Variants in MYO6 observed in about 807,000 individuals in gnomAD.
The protein encoded by MYO6 is unconventional myosin-VI.
MYO6 carries 74 observed loss-of-function variants against 178.7 expected under a neutral mutation model. The ratio of observed to expected loss-of-function variants is 0.41; its 90% CI spans 0.34 to 0.50. The LOEUF is 0.50. MYO6 is among the 20% of genes least tolerant of loss of function. The pLI is 0.09. For missense variants in MYO6, 1,330 were observed against 1,547.4 expected, an observed-to-expected ratio of 0.86 and a Z score of 2.36; for synonymous variants, 477 against 504.6, an observed-to-expected ratio of 0.95 and a Z score of 0.73.
chr6:75,897,721 T>C (rs1779416655), intron 29 of MYO6, among the ~76,000 whole-genome samples: 1 of 152,236 alleles, frequency 6.6e-6, no homozygotes, highest in Non-Finnish European at 1.5e-5. Flanking sequence ...AACTTCATTC[T>C]GTTTTAAAGA....
intron 1 of MYO6, among the ~76,000 whole-genome samples, chr6:75,784,164 G>T (rs1370529083): frequency 1.3e-5 from 2 of 151,924 alleles, no homozygotes; most frequent in East Asian, 2.0e-4. Context: ...GTAGAGACGG[G>T]GTTTCACCGT....
chr6:75,879,243 A>AGTTTT lies in MYO6; in HGVS notation c.2078-560_2078-556dup, dbSNP rs148302245. On this transcript the variant is annotated intron_variant, in intron 20 of 34. Transcript: ENST00000369977. ...TACAAACTAGACTTGATCTTTCCTTAGTTTTGTTTTGTTTTGTTTTGATAC... is the reference window on the plus strand; with the variant it reads ...TACAAACTAGACTTGATCTTTCCTTAGTTTTGTTTTGTTTTGTTTTGTTTTGATAC... 0.013 allele frequency among the ~76,000 whole-genome samples: 2,008 copies of AGTTTT among 151,806 alleles called. 69 individuals are homozygous for AGTTTT. The East Asian group carries it at 0.14, about 11-fold the overall frequency.
At chr6:75,762,929 C>G (rs1778078195) in intron 1 of MYO6, among the ~76,000 whole-genome samples, 1 of 151,808 alleles carries the variant, frequency 6.6e-6, no homozygotes, top group South Asian at 2.1e-4. Context: ...ACTGTGTTGC[C>G]CAGGCTGGTA....
chr6:75,799,970 T>G (rs535795362), intron 1 of MYO6, among the ~76,000 whole-genome samples: 1 of 152,302 alleles, frequency 6.6e-6, no homozygotes, highest in East Asian at 1.9e-4. Flanking sequence ...TTTAAGACTT[T>G]AGGAGTTTCT....
chr6:75,761,840 T>G (rs1357309760), intron 1 of MYO6, among the ~76,000 whole-genome samples: 3 of 152,010 alleles, frequency 2.0e-5, no homozygotes, highest in Non-Finnish European at 4.4e-5. Flanking sequence ...CAGTGAAAGG[T>G]TTATGTCAGA....
chr6:75,783,253 C>T (rs904910374), intron 1 of MYO6, among the ~76,000 whole-genome samples: 17 of 152,032 alleles, frequency 1.1e-4, no homozygotes, highest in African/African-American at 4.1e-4. Flanking sequence ...CAGAGTGCCT[C>T]TAGTTTTCTC....
intron 1 of MYO6, among the ~76,000 whole-genome samples, chr6:75,812,675 C>T (rs904315904): frequency 3.3e-5 from 5 of 151,194 alleles, no homozygotes; most frequent in Admixed American, 2.0e-4. Context: ...TTTTTTAGCT[C>T]CCACAGATAC....
chr6:75,913,969 C>T (rs1055969594), intron 33 of MYO6, 94 bp from the exon 34 acceptor site: 15 of 1,118,856 alleles, frequency 1.3e-5, no homozygotes, highest in Non-Finnish European at 1.9e-5. Context: ...GACCTTTCTT[C>T]TTTTTAAAAA....
chr6:75,766,191 C>T (rs1202802029), intron 1 of MYO6, among the ~76,000 whole-genome samples: 7 of 152,008 alleles, frequency 4.6e-5, no homozygotes, highest in African/African-American at 9.7e-5. Flanking sequence ...GGCGGGGTGG[C>T]GGGTGCCTGT....
chr6:75,827,137 G>T (rs558046478), intron 3 of MYO6, among the ~76,000 whole-genome samples: 1 of 152,278 alleles, frequency 6.6e-6, no homozygotes, highest in Non-Finnish European at 1.5e-5. Flanking sequence ...CCAAGGATCT[G>T]ATTTAGTAGA....
intron 1 of MYO6, among the ~76,000 whole-genome samples, chr6:75,779,081 A>G (rs1006743884): frequency 1.4e-5 from 2 of 142,878 alleles, no homozygotes; most frequent in Admixed American, 7.0e-5. Flanking sequence ...AAAAAAAAAA[A>G]AGAGATAGGG....
At chr6:75,761,570 A>G (rs1777945592) in intron 1 of MYO6, among the ~76,000 whole-genome samples, 1 of 149,940 alleles carries the variant, frequency 6.7e-6, no homozygotes, top group Non-Finnish European at 1.5e-5. Context: ...TGATGCTAGT[A>G]TGTTAGAAAA....
At chr6:75,799,782 G>C (rs1769254899) in intron 1 of MYO6, among the ~76,000 whole-genome samples, 1 of 152,084 alleles carries the variant, frequency 6.6e-6, no homozygotes, top group African/African-American at 2.4e-5. Context: ...GAGAAGGAGA[G>C]GGTAGGTGTA....
chr6:75,900,357 G>A (rs1034038029), intron 30 of MYO6, among the ~76,000 whole-genome samples: 33 of 152,264 alleles, frequency 2.2e-4, no homozygotes, highest in African/African-American at 7.9e-4. Context: ...CACCAACAGT[G>A]TAAAAGTGTT....
Position 75,914,106 on chromosome 6 carries a change from G to A in MYO6, c.3483G>A (p.Glu1161=), listed in dbSNP as rs139174622. 407 of 1,614,040 alleles carry A rather than the reference G, an allele frequency of 2.5e-4. 2 individuals carry two copies. Among genetic ancestry groups the A allele is most frequent in the Non-Finnish European group, 4.7e-5 (55 of 1,180,036 alleles). Residue 1161 remains glutamate, a synonymous_variant, in exon 34 of 35, where the codon GAG becomes GAA. Transcript: ENST00000369977. ...CTCAGATTCCTGCCAGGCAGCGGGA[G>A]ATTGAAATGAACCGACAGCAACGCT... ...PAAQIPARQR[E]IEMNRQQRFF... is the part of the protein sequence containing the mutation.
chr6:75,907,057 A>C (rs1780382833), intron 30 of MYO6, among the ~76,000 whole-genome samples: 1 of 152,178 alleles, frequency 6.6e-6, no homozygotes, highest in South Asian at 2.1e-4. Context: ...AGTGGGTTGC[A>C]GGTTTGGCTA....
chr6:75,767,293 T>C (rs1398473197), intron 1 of MYO6, among the ~76,000 whole-genome samples: 1 of 152,134 alleles, frequency 6.6e-6, no homozygotes, highest in Non-Finnish European at 1.5e-5. Context: ...CCCAGAGTGT[T>C]GGGATTACAG....
intron 1 of MYO6, among the ~76,000 whole-genome samples, chr6:75,793,400 T>C (rs1768444382): frequency 6.6e-6 from 1 of 151,360 alleles, no homozygotes; most frequent in African/African-American, 2.4e-5. Flanking sequence ...AGGTCAGGAG[T>C]TGAGATCAGC....
chr6:75,750,640 G>T (rs1219288164), intron 1 of MYO6, among the ~76,000 whole-genome samples: 43 of 149,250 alleles, frequency 2.9e-4, no homozygotes, highest in African/African-American at 1.0e-3. Flanking sequence ...ACAGAGCCTC[G>T]CTCTGTCAGC....
Sources: allele counts gnomAD v4.1 joint callset (sites outside exome capture counted in the v4.1 genomes callset), GRCh38; gene constraint gnomAD v4.1.1; transcripts MANE v1.5; gene names NCBI Gene and HGNC (gene_info 2026-07-23, HGNC 2026-07-21).